SLC16A7: variants seen among roughly 807,000 people sequenced by gnomAD.
The protein encoded by SLC16A7 is monocarboxylate transporter 2.
A neutral mutation model predicts 34.9 loss-of-function variants in SLC16A7; 33 were observed. That is an observed-to-expected ratio of 0.94 (90% CI 0.72 to 1.26). SLC16A7 has a LOEUF of 1.26. SLC16A7 is among the 50% of genes most tolerant of loss of function. The probability of loss-of-function intolerance (pLI) is 0.00; values close to 1 mark genes in which losing one functional copy is unlikely to be tolerated. For missense variants in SLC16A7, 573 were observed against 578.1 expected (o/e 0.99, Z 0.09); for synonymous variants, 201 against 206.6 (o/e 0.97, Z 0.23).
At chr12:59,613,331 C>G (rs1031884378) in intron 1 of SLC16A7, among the ~76,000 whole-genome samples, 1 of 152,168 alleles carries the variant, frequency 6.6e-6, no homozygotes. Context: ...TTCCACCCAC[C>G]AGGTCCCTTC....
At chr12:59,661,309 T>C (rs552838727) in intron 2 of SLC16A7, among the ~76,000 whole-genome samples, 1 of 152,172 alleles carries the variant, frequency 6.6e-6, no homozygotes, top group African/African-American at 2.4e-5. Flanking sequence ...GGAAAGAAGA[T>C]AGATTTAACT....
intron 2 of SLC16A7, among the ~76,000 whole-genome samples, chr12:59,676,519 A>G (rs190004689): frequency 1.1e-4 from 16 of 152,152 alleles, no homozygotes; most frequent in African/African-American, 3.9e-4. Context: ...TTTTCATTCA[A>G]GCATACCAAA....
At chr12:59,717,413 A>G (rs1875045989) in intron 3 of SLC16A7, among the ~76,000 whole-genome samples, 1 of 152,222 alleles carries the variant, frequency 6.6e-6, no homozygotes, top group East Asian at 1.9e-4. Context: ...TGGCACTTGC[A>G]GATAAAGAAA....
intron 3 of SLC16A7, among the ~76,000 whole-genome samples, chr12:59,767,579 T>A (rs180788221): frequency 1.2e-4 from 18 of 152,216 alleles, no homozygotes; most frequent in Middle Eastern, 3.4e-3. Context: ...ATAAATGGAA[T>A]AGCAAAGTCT....
Position 59,774,663 on chromosome 12 carries a change from G to T in SLC16A7, c.368G>T (p.Gly123Val), listed in dbSNP as rs778214706. ...TTTGTTTTGTTCTTTTTAGGTTTAG[G>T]TTTAGCCTTCAACCTGCAACCCGCC... is the stretch of plus-strand genomic sequence containing the variant. ...YLTMGFITGL[G>V]LAFNLQPALT... Residue 123 changes from glycine to valine, a missense_variant, in exon 5 of 6, where the codon GGT becomes GTT. By Grantham distance (109) the Gly-to-Val change is moderately radical. Transcript: ENST00000547379. The T allele has an allele frequency of 8.2e-6, 13 of 1,579,248 alleles. No individual in the cohort carries two copies. In the African/African-American group the frequency reaches 1.6e-4, roughly 20 times the overall value.
intron 1 of SLC16A7, among the ~76,000 whole-genome samples, chr12:59,621,501 T>C (rs2136981208): frequency 1.3e-5 from 2 of 152,008 alleles, no homozygotes; most frequent in East Asian, 3.9e-4. Flanking sequence ...CTGATTTGAA[T>C]GCCTTACTTC....
At chr12:59,760,414 GTAATCTCTCCT>G (rs1880882489) in intron 3 of SLC16A7, among the ~76,000 whole-genome samples, 1 of 152,052 alleles carries the variant, frequency 6.6e-6, no homozygotes, top group Non-Finnish European at 1.5e-5. Context: ...CGCATATTCA[GTAATCTCTCCT>G]TATCTGTGGG....
chr12:59,695,322 G>T (rs1291131700), intron 2 of SLC16A7, among the ~76,000 whole-genome samples: 2 of 151,904 alleles, frequency 1.3e-5, no homozygotes, highest in Non-Finnish European at 2.9e-5. Flanking sequence ...GTTACTTGTG[G>T]TGGGATGGAG....
In SLC16A7 at chr12:59,775,041, T is replaced by C. The variant is rs1882606533; in HGVS notation, c.746T>C (p.Ile249Thr). ...FSLFKHRGFL[I>T]YLSGNVIMFL... ...CTTTTTAAGCATAGAGGATTTCTGA[T>C]ATATCTGTCTGGAAATGTCATTATG... is the stretch of plus-strand genomic sequence containing the variant. Residue 249 changes from isoleucine to threonine, a missense_variant, in exon 5 of 6, where the codon ATA (isoleucine) becomes ACA (threonine). Physicochemically the swap from Ile to Thr is moderately conservative, Grantham distance 89 (BLOSUM62 -1). Transcript: ENST00000547379. 6.2e-7 allele frequency: 1 copy of C among 1,614,136 alleles called. No individual in the cohort carries two copies. The highest frequency in any genetic ancestry group is 8.5e-7 in the Non-Finnish European group (1 of 1,179,984).
intron 5 of SLC16A7, among the ~76,000 whole-genome samples, chr12:59,775,938 A>G (rs1254066818): frequency 6.6e-6 from 1 of 152,186 alleles, no homozygotes. Flanking sequence ...TGCTGAGAAA[A>G]TACATTTATA....
At chr12:59,746,197 A>G (rs1018213884) in intron 3 of SLC16A7, among the ~76,000 whole-genome samples, 2 of 152,238 alleles carry the variant, frequency 1.3e-5, no homozygotes, top group Non-Finnish European at 2.9e-5. Flanking sequence ...TTTAGAAAAC[A>G]GACTTGTCAG....
At chr12:59,710,107 A>G (rs185436966) in intron 3 of SLC16A7, among the ~76,000 whole-genome samples, 3 of 151,786 alleles carry the variant, frequency 2.0e-5, no homozygotes, top group Non-Finnish European at 1.5e-5. Context: ...CTTATATTAT[A>G]TCATGAAATG....
At position 59,707,505 on chromosome 12, in the gene SLC16A7, A is replaced by G. The variant is rs1339311677; in HGVS notation, c.217+2487A>G. ...AAATAAATGTTTTTATTTTATTCAT[A>G]CTTATTTTTCTATTTTAATATATAT... On this transcript the variant is annotated intron_variant, in intron 3 of 5. Coordinates refer to ENST00000547379, the MANE Select transcript of SLC16A7 (RefSeq NM_001270623.2). 2.0e-5 allele frequency among the ~76,000 whole-genome samples: 3 copies of G among 152,022 alleles called. No individual in the cohort carries two copies. The East Asian group carries it at 5.8e-4, about 29-fold the overall frequency.
chr12:59,718,426 G>A (rs1354640152), intron 3 of SLC16A7, among the ~76,000 whole-genome samples: 1 of 152,076 alleles, frequency 6.6e-6, no homozygotes, highest in East Asian at 1.9e-4. Flanking sequence ...GTAGGGCATG[G>A]AGGATTTGGC....
intron 2 of SLC16A7, among the ~76,000 whole-genome samples, chr12:59,668,064 G>C (rs991899884): frequency 1.3e-5 from 2 of 152,232 alleles, no homozygotes; most frequent in Non-Finnish European, 2.9e-5. Context: ...AGGATGTATG[G>C]AAATGCCTAG....
At chr12:59,747,536 T>A (rs1592630000) in intron 3 of SLC16A7, among the ~76,000 whole-genome samples, 1 of 152,222 alleles carries the variant, frequency 6.6e-6, no homozygotes, top group Admixed American at 6.5e-5. Context: ...GATCTTAACT[T>A]CTTCTTTCAG....
chr12:59,663,927 C>G (rs1345346746), intron 2 of SLC16A7, among the ~76,000 whole-genome samples: 1 of 152,004 alleles, frequency 6.6e-6, no homozygotes, highest in Non-Finnish European at 1.5e-5. Context: ...GCATATTTTA[C>G]AAGTGGCTAC....
At chr12:59,723,277 GTTAC>G (rs1169423428) in intron 3 of SLC16A7, among the ~76,000 whole-genome samples, 1 of 151,874 alleles carries the variant, frequency 6.6e-6, no homozygotes, top group Non-Finnish European at 1.5e-5. Context: ...TTTTTCAGAA[GTTAC>G]TTACTTTCTT....
Position 59,780,722 on chromosome 12 carries a change from T to G in SLC16A7, c.*1043T>G, listed in dbSNP as rs1292587038. ...GATTGTAAGTAGACCGAATTCTAATTTTTCCCAACACATAGTGGTAATTGG... is the reference window on the plus strand; with the variant it reads ...GATTGTAAGTAGACCGAATTCTAATGTTTCCCAACACATAGTGGTAATTGG... On this transcript the variant is annotated 3_prime_UTR_variant, in exon 6 of 6. Coordinates refer to ENST00000547379, the MANE Select transcript of SLC16A7 (RefSeq NM_001270623.2). The G allele has an allele frequency of 2.6e-5, 4 of 152,208 alleles. No individual in the cohort carries two copies. Among genetic ancestry groups the G allele is most frequent in the African/African-American group, 7.2e-5 (3 of 41,568 alleles). The allele number at this position is 152,208 out of a possible 1,614,324, so 9.4% of individuals were successfully genotyped here. A position where few individuals can be genotyped will look rare whatever the true frequency, so the allele number is the denominator to read the frequency against.
Sources: allele counts gnomAD v4.1 joint callset (sites outside exome capture counted in the v4.1 genomes callset), GRCh38; gene constraint gnomAD v4.1.1; transcripts MANE v1.5; gene names NCBI Gene and HGNC (gene_info 2026-07-23, HGNC 2026-07-21).